LRRC2: variants seen among roughly 807,000 people sequenced by gnomAD.
LRRC2 encodes leucine rich repeat containing 2.
LRRC2 carries 27 observed loss-of-function variants against 40.2 expected under a neutral mutation model. The observed-to-expected ratio is 0.67, with a 90% CI of 0.49 to 0.93. The LOEUF (loss-of-function observed/expected upper bound fraction) is 0.93, where lower values mean the gene tolerates loss of function less well. LRRC2 is among the 40% of genes least tolerant of loss of function. The pLI, the probability that LRRC2 is intolerant of heterozygous loss-of-function variation, is 0.00. For synonymous variants in LRRC2, 147 were observed against 158.9 expected (o/e 0.92, Z 0.56); for missense variants, 402 against 439.6 (o/e 0.91, Z 0.76).
chr3:46,533,020 T>G, intron 4 of LRRC2, 111 bp from the exon 5 acceptor site: 2 of 1,125,836 alleles, frequency 1.8e-6, no homozygotes, highest in Non-Finnish European at 2.5e-6. Context: ...GGGAAGGAAC[T>G]AAACATAATT....
intron 2 of LRRC2, among the ~76,000 whole-genome samples, chr3:46,548,928 G>A (rs954769058): frequency 2.6e-5 from 4 of 152,088 alleles, no homozygotes; most frequent in South Asian, 2.1e-4. Context: ...TAATGCTGCC[G>A]CTGATCTGAC....
chr3:46,533,233 A>T (rs1012115795), intron 4 of LRRC2, among the ~76,000 whole-genome samples: 3 of 152,108 alleles, frequency 2.0e-5, no homozygotes, highest in African/African-American at 4.8e-5. Context: ...ATGCCCAGGG[A>T]TCTTTTCCAA....
intron 2 of LRRC2, among the ~76,000 whole-genome samples, chr3:46,546,404 G>A (rs1356090144): frequency 1.3e-5 from 2 of 152,212 alleles, no homozygotes; most frequent in African/African-American, 4.8e-5. Flanking sequence ...CCAGCTTCTA[G>A]GACTGGGCAT....
At chr3:46,519,103 T>C in intron 8 of LRRC2, 40 bp from the exon 9 acceptor site, 2 of 1,405,084 alleles carry the variant, frequency 1.4e-6, no homozygotes, top group South Asian at 1.2e-5. Context: ...TCATTCACCA[T>C]TTTATTATGA....
chr3:46,552,375 T>C (rs1024820858), intron 1 of LRRC2, among the ~76,000 whole-genome samples: 3 of 111,806 alleles, frequency 2.7e-5, no homozygotes, highest in Non-Finnish European at 5.4e-5. Flanking sequence ...TAGTTGTATT[T>C]AAATCTAAAA....
At position 46,516,459 on chromosome 3, in the gene LRRC2, C is replaced by T. The variant is rs1703864231; in HGVS notation, c.*2555G>A. 1 of 151,850 alleles carries T rather than the reference C, an allele frequency of 6.6e-6. No homozygotes were observed. The highest frequency in any genetic ancestry group is 6.6e-5 in the Admixed American group (1 of 15,234). The allele number at this position is 151,850 out of a possible 1,614,324, so 9.4% of individuals were successfully genotyped here. A position where few individuals can be genotyped will look rare whatever the true frequency, so the allele number is the denominator to read the frequency against. ...TTTTAAAAATGGCTGGTTCTTCAGA[C>T]AGAGAAAATAAAAATCACCATACAT... is the stretch of plus-strand genomic sequence containing the variant. On this transcript the variant is annotated 3_prime_UTR_variant, in exon 9 of 9. Coordinates refer to ENST00000395905, the MANE Select transcript of LRRC2 (RefSeq NM_024512.5).
intron 1 of LRRC2, chr3:46,559,123 T>C (rs1376055852): frequency 6.6e-6 from 1 of 152,262 alleles, no homozygotes; most frequent in African/African-American, 2.4e-5. Flanking sequence ...ATTTTTCTTT[T>C]ACCACTTTTC....
At chr3:46,563,185 C>T (rs375222517) in intron 1 of LRRC2, among the ~76,000 whole-genome samples, 1 of 152,162 alleles carries the variant, frequency 6.6e-6, no homozygotes, top group South Asian at 2.1e-4. Flanking sequence ...ACTAGTGTCA[C>T]GCCTTGCCTC....
rs775015804 is a variant in LRRC2, at chr3:46,539,119, T to C, written c.416A>G (p.Tyr139Cys). Residue 139 changes from tyrosine (Y) to cysteine (C), a missense_variant, in exon 4 of 9, where the codon TAT becomes TGT. Tyr to Cys is a radical substitution (Grantham distance 194). Coordinates refer to ENST00000395905, the MANE Select transcript of LRRC2 (RefSeq NM_024512.5). ...TCTCATCGCTTGAAATAACTGAATA[T>C]ATGTAGGAATGATTTGAATCAAGGT... ...SNTLIQIIPT[Y>C]IQLFQAMRIL... 3.7e-6 allele frequency: 6 copies of C among 1,613,834 alleles called. No homozygotes were observed. The highest frequency in any genetic ancestry group is 1.7e-5 in the Admixed American group (1 of 59,954).
intron 3 of LRRC2, among the ~76,000 whole-genome samples, chr3:46,543,621 A>ATAT (rs1445246795): frequency 1.1e-5 from 1 of 91,418 alleles, no homozygotes; most frequent in African/African-American, 3.4e-5. Flanking sequence ...ATCTCAATTA[A>ATAT]TAATAATAAT....
intron 4 of LRRC2, among the ~76,000 whole-genome samples, chr3:46,533,803 C>CTTTCTGTCTTTCTTTCTTTCTTGCTTTG (rs1704210091): frequency 7.4e-5 from 9 of 122,034 alleles, no homozygotes; most frequent in Non-Finnish European, 1.4e-4. Context: ...TTCTTTGTTT[C>CTTTCTGTCTTTCTTTCTTTCTTGCTTTG]TTTCTTTCTT....
chr3:46,555,756 T>C (rs1704777657), intron 1 of LRRC2, among the ~76,000 whole-genome samples: 1 of 152,196 alleles, frequency 6.6e-6, no homozygotes, highest in Non-Finnish European at 1.5e-5. Flanking sequence ...AGAAAACTGG[T>C]CCATTATATT....
chr3:46,525,680 C>T (rs944934209), intron 7 of LRRC2, among the ~76,000 whole-genome samples: 1 of 152,078 alleles, frequency 6.6e-6, no homozygotes, highest in Non-Finnish European at 1.5e-5. Flanking sequence ...AAAGAAATTC[C>T]ATTAGAGTTA....
At chr3:46,555,461 C>A (rs1176071718) in intron 1 of LRRC2, among the ~76,000 whole-genome samples, 2 of 152,050 alleles carry the variant, frequency 1.3e-5, no homozygotes, top group Admixed American at 1.3e-4. Context: ...TTTCTCTGAA[C>A]ATTTTTTAGA....
chr3:46,527,736 T>G (rs1704085308), intron 6 of LRRC2, among the ~76,000 whole-genome samples, 155 bp from the exon 7 acceptor site: 1 of 150,682 alleles, frequency 6.6e-6, no homozygotes, highest in Non-Finnish European at 1.5e-5. Flanking sequence ...TGTTCTTCGT[T>G]TTTTTTTTTG....
At chr3:46,540,470 A>G (rs1017936790) in intron 3 of LRRC2, among the ~76,000 whole-genome samples, 4 of 151,504 alleles carry the variant, frequency 2.6e-5, no homozygotes, top group Non-Finnish European at 4.4e-5. Context: ...GGTTGTAGTG[A>G]GCCAAAATAG....
chr3:46,528,317 G>A (rs1457470556), intron 6 of LRRC2, among the ~76,000 whole-genome samples: 2 of 149,946 alleles, frequency 1.3e-5, no homozygotes, highest in Admixed American at 6.7e-5. Flanking sequence ...TAATGAGAAA[G>A]ACGGGGTCTC....
At chr3:46,551,751 CTTTTT>C (rs748541390) in intron 1 of LRRC2, 141 bp from the exon 2 acceptor site, 116 of 138,794 alleles carry the variant, frequency 8.4e-4, no homozygotes, top group East Asian at 1.9e-3. Context: ...TGACAGTTTG[CTTTTT>C]TTTTTTTTTT....
rs1245141155 is a variant in LRRC2 at position 46,518,644 on chromosome 3, G to A, written c.*370C>T. ...CCCAAAGTGCTGGGATTACAGGTGT[G>A]AGCCACCACACCCGGCCCCTTTATC... On this transcript the variant is annotated 3_prime_UTR_variant, in exon 9 of 9. Coordinates refer to ENST00000395905, the MANE Select transcript of LRRC2 (RefSeq NM_024512.5). The A allele has an allele frequency of 1.2e-5, 2 of 160,776 alleles. No individual in the cohort carries two copies. The highest frequency in any genetic ancestry group is 2.7e-5 in the Non-Finnish European group (2 of 74,134). 10.0% of individuals were successfully genotyped at this position (160,776 alleles called of 1,614,324 possible).
Sources: gnomAD v4.1 joint callset for allele counts (sites outside exome capture counted in the v4.1 genomes callset) on GRCh38, gnomAD v4.1.1 for gene constraint, MANE v1.5 for transcripts, NCBI Gene and HGNC (gene_info 2026-07-23, HGNC 2026-07-21) for gene names.